The following NELL1 variants were observed in gnomAD, a reference collection of about 807,000 sequenced individuals.
The protein encoded by NELL1 is neural EGFL like 1, also known as protein kinase C-binding protein NELL1.
Under a neutral mutation model 107.4 loss-of-function variants are expected in NELL1, and 76 were observed. The observed-to-expected ratio is 0.71, with a 90% CI of 0.59 to 0.86. NELL1 has a LOEUF of 0.86. Among genes scored for constraint, NELL1 ranks in the 40% least tolerant of loss-of-function variants. NELL1 has a pLI of 0.00. For missense variants in NELL1, 1,024 were observed against 1,005.5 expected (o/e 1.02, Z -0.25); for synonymous variants, 353 against 341.2 (o/e 1.03, Z -0.38).
In NELL1 at chr11:21,370,834, C is replaced by T; in HGVS notation, c.1550-19C>T. 1 of 1,598,710 alleles carries T rather than the reference C, an allele frequency of 6.3e-7. No homozygotes were observed. Among genetic ancestry groups the T allele is most frequent in the Non-Finnish European group, 8.6e-7 (1 of 1,169,270 alleles). ...TATTGCATTTTATCTAAGATAAATA[C>T]TTTGTTCTCTTGCAACAGCTTTCTG... On this transcript the variant is annotated intron_variant, in intron 14 of 19. Transcript: ENST00000357134.
At chr11:21,338,647 C>A (rs1305400563) in intron 14 of NELL1, among the ~76,000 whole-genome samples, 2 of 152,154 alleles carry the variant, frequency 1.3e-5, no homozygotes, top group African/African-American at 4.8e-5. Flanking sequence ...CATCATTCAT[C>A]CCTTGAAACT....
At chr11:21,287,855 A>G (rs772259293) in intron 14 of NELL1, among the ~76,000 whole-genome samples, 93 of 151,742 alleles carry the variant, frequency 6.1e-4, no homozygotes, top group Non-Finnish European at 9.9e-4. Flanking sequence ...TTTTATCCCC[A>G]CCATCCCTCG....
intron 14 of NELL1, among the ~76,000 whole-genome samples, chr11:21,313,992 G>GCCA (rs1849809609): frequency 1.8e-4 from 10 of 55,578 alleles, no homozygotes; most frequent in African/African-American, 3.9e-4. Flanking sequence ...CCTACACTCT[G>GCCA]CCCCCCCCCC....
chr11:21,162,318 T>C (rs74723406), intron 13 of NELL1, among the ~76,000 whole-genome samples: 3,664 of 152,242 alleles, frequency 0.024, 151 homozygotes, highest in African/African-American at 0.082. Context: ...TTGACTTTAC[T>C]GTAATGTAAG....
intron 16 of NELL1, among the ~76,000 whole-genome samples, chr11:21,551,700 C>T (rs924721050): frequency 1.3e-5 from 2 of 151,416 alleles, no homozygotes; most frequent in South Asian, 2.1e-4. Flanking sequence ...GACTGTAAAC[C>T]AGTTCAACCA....
intron 12 of NELL1, among the ~76,000 whole-genome samples, chr11:21,034,164 T>C (rs2138595): frequency 0.024 from 3,589 of 152,304 alleles, 139 homozygotes; most frequent in African/African-American, 0.081. Context: ...AAGTCTTTAA[T>C]TAATCTTGAG....
chr11:21,449,857 T>C (rs1853534246), intron 15 of NELL1, among the ~76,000 whole-genome samples: 1 of 152,214 alleles, frequency 6.6e-6, no homozygotes, highest in Admixed American at 6.5e-5. Context: ...AAACATCACT[T>C]GTCCCTATAT....
At chr11:20,919,489 T>A (rs1850332034) in intron 7 of NELL1, among the ~76,000 whole-genome samples, 155 bp downstream of exon 7, 1 of 152,106 alleles carries the variant, frequency 6.6e-6, no homozygotes. Flanking sequence ...GGACTACCAA[T>A]AGTAAACATA....
chr11:21,349,758 A>G (rs1351874783), intron 14 of NELL1, among the ~76,000 whole-genome samples: 1 of 152,126 alleles, frequency 6.6e-6, no homozygotes, highest in Non-Finnish European at 1.5e-5. Flanking sequence ...ACATTGCTGC[A>G]TTATAGTTTA....
In NELL1 at chr11:21,423,142, G is replaced by A. The variant is rs769539082; in HGVS notation, c.1645+52194G>A. Reference sequence around the variant, plus strand: ...AGCACTTTGGGAGGCCAAGGTGGGCGGTTCATGAGGTCAAGAGATGGAGAC... The same window carrying A: ...AGCACTTTGGGAGGCCAAGGTGGGCAGTTCATGAGGTCAAGAGATGGAGAC... On this transcript the variant is annotated intron_variant, in intron 15 of 19. Coordinates refer to ENST00000357134, the MANE Select transcript of NELL1 (RefSeq NM_006157.5). Among the ~76,000 whole-genome samples the A allele has an allele frequency of 1.9e-4, 29 of 152,156 alleles. 1 individual carries two copies. The highest frequency in any genetic ancestry group is 4.0e-4 in the Non-Finnish European group (27 of 68,000).
intron 1 of NELL1, chr11:20,674,584 C>T (rs529141580): frequency 5.6e-5 from 82 of 1,456,904 alleles, no homozygotes; most frequent in African/African-American, 1.5e-4. Flanking sequence ...CAGGTATTAA[C>T]GTTCCTATTT....
At chr11:21,195,357 A>G (rs1438975027) in intron 13 of NELL1, among the ~76,000 whole-genome samples, 1 of 152,134 alleles carries the variant, frequency 6.6e-6, no homozygotes, top group African/African-American at 2.4e-5. Flanking sequence ...CTAATACAGT[A>G]GGCTGGGGCA....
At chr11:21,215,522 G>A (rs1857594541) in intron 13 of NELL1, among the ~76,000 whole-genome samples, 1 of 152,168 alleles carries the variant, frequency 6.6e-6, no homozygotes, top group African/African-American at 2.4e-5. Flanking sequence ...AAGAAGATTG[G>A]AAACTATGGG....
intron 10 of NELL1, among the ~76,000 whole-genome samples, chr11:20,945,996 C>T (rs1333132392): frequency 6.6e-6 from 1 of 152,172 alleles, no homozygotes; most frequent in Admixed American, 6.5e-5. Flanking sequence ...GCTGGCCTGT[C>T]TGGACTGGAA....
At chr11:20,820,058 T>A (rs570656588) in intron 3 of NELL1, among the ~76,000 whole-genome samples, 8 of 152,318 alleles carry the variant, frequency 5.3e-5, no homozygotes, top group African/African-American at 1.9e-4. Context: ...TATATCAGTT[T>A]TGAAGGCTGG....
intron 13 of NELL1, among the ~76,000 whole-genome samples, chr11:21,158,478 T>G (rs137859849): frequency 6.6e-6 from 1 of 152,328 alleles, no homozygotes; most frequent in Non-Finnish European, 1.5e-5. Context: ...ATGACAGTGT[T>G]ATCTATTATT....
At chr11:20,866,426 GGT>G (rs1849097373) in intron 4 of NELL1, among the ~76,000 whole-genome samples, 1 of 152,176 alleles carries the variant, frequency 6.6e-6, no homozygotes, top group African/African-American at 2.4e-5. Flanking sequence ...ATTAGACTCT[GGT>G]AAGATGGACT....
intron 4 of NELL1, among the ~76,000 whole-genome samples, chr11:20,865,064 G>T (rs1849068185): frequency 6.6e-6 from 1 of 152,164 alleles, no homozygotes; most frequent in Admixed American, 6.5e-5. Context: ...TTGGATCCAT[G>T]ACAGTTTTGG....
rs950674521 is a variant in NELL1 at position 20,789,450 on chromosome 11, A to G, written c.335+5620A>G. On this transcript the variant is annotated intron_variant, in intron 3 of 19. Coordinates refer to ENST00000357134, the MANE Select transcript of NELL1 (RefSeq NM_006157.5). The stretch of plus-strand genomic sequence containing the variant: ...CGGTGGCACCTGGAAGCTTGGAGAC[A>G]CCAGGAACTGCAAGGCCCCAAAGAG... Among the ~76,000 whole-genome samples, 3 of 152,202 alleles carry G rather than the reference A, an allele frequency of 2.0e-5. No homozygotes were observed. In the East Asian group the frequency reaches 5.8e-4, roughly 29 times the overall value.
Sources: allele counts gnomAD v4.1 joint callset (sites outside exome capture counted in the v4.1 genomes callset), GRCh38; gene constraint gnomAD v4.1.1; transcripts MANE v1.5; gene names NCBI Gene and HGNC (gene_info 2026-07-23, HGNC 2026-07-21).